The following SPEN variants were observed in gnomAD, a reference collection of about 807,000 sequenced individuals.
The protein encoded by SPEN is spen family transcriptional repressor, also known as msx2-interacting protein.
Under a neutral mutation model 269.9 loss-of-function variants are expected in SPEN, and 18 were observed. The ratio of observed to expected loss-of-function variants is 0.07; its 90% confidence interval spans 0.05 to 0.10. The LOEUF (loss-of-function observed/expected upper bound fraction) is 0.10, where lower values mean the gene tolerates loss of function less well. Ranked by LOEUF, SPEN falls within the 10% of genes least tolerant of loss-of-function variation. SPEN has a pLI of 1.00. For synonymous variants in SPEN, 1,726 were observed against 1,765.7 expected (o/e 0.98, Z 0.56); for missense variants, 3,822 against 4,631.2 (o/e 0.83, Z 5.07).
chr1:15,935,929 G>A lies in SPEN; in HGVS notation c.9689G>A (p.Gly3230Glu), dbSNP rs1328918034. The A allele has an allele frequency of 3.1e-6, 5 of 1,611,800 alleles. No individual in the cohort carries two copies. Among genetic ancestry groups the A allele is most frequent in the Non-Finnish European group, 4.2e-6 (5 of 1,179,756 alleles). ...PPASKAPQQP[G>E]KEAAKTPDAK... is the part of the protein sequence containing the mutation. ...GCCAGCAAGGCCCCTCAGCAGCCAGGGAAGGAAGCTGCCAAGACACCAGAT... is the reference window on the plus strand; with the variant it reads ...GCCAGCAAGGCCCCTCAGCAGCCAGAGAAGGAAGCTGCCAAGACACCAGAT... The change falls in exon 11 of 15, where the codon GGG (glycine) becomes GAG (glutamate). Residue 3230 changes from glycine (G) to glutamate (E), a missense_variant. By Grantham distance (98) the Gly-to-Glu change is moderately conservative. This residue lies in a region of SPEN where 359 missense variants were observed against 377.3 expected (regional missense o/e 0.95). Coordinates refer to ENST00000375759, the MANE Select transcript of SPEN (RefSeq NM_015001.3). The surrounding 1 kb of genome is among the most constrained non-coding windows in gnomAD (Gnocchi z 7.7).
chr1:15,908,302 G>A (rs1047289365), intron 3 of SPEN, among the ~76,000 whole-genome samples: 5 of 152,146 alleles, frequency 3.3e-5, no homozygotes, highest in Non-Finnish European at 5.9e-5. Flanking sequence ...GGCTTCGAGC[G>A]ATCCTGCCAC....
intron 5 of SPEN, among the ~76,000 whole-genome samples, chr1:15,914,834 AAAGAAG>A (rs376970326): frequency 2.0e-5 from 3 of 152,120 alleles, no homozygotes; most frequent in African/African-American, 7.2e-5. Context: ...CAAAGAAAAA[AAAGAAG>A]AAGAAGAAGC....
At chr1:15,890,455 C>G (rs2070777589) in intron 3 of SPEN, among the ~76,000 whole-genome samples, 1 of 151,666 alleles carries the variant, frequency 6.6e-6, no homozygotes, top group African/African-American at 2.4e-5. Flanking sequence ...TGGTCTCGAA[C>G]TCTTGACCTT....
chr1:15,849,710 T>C (rs1346031057), intron 1 of SPEN, among the ~76,000 whole-genome samples: 2 of 152,124 alleles, frequency 1.3e-5, no homozygotes, highest in African/African-American at 4.8e-5. Context: ...GGGAACTTTC[T>C]CTTCCTGGCG....
Position 15,851,301 on chromosome 1 carries a change from A to G in SPEN, c.83+3151A>G, listed in dbSNP as rs1282004621. On this transcript the variant is annotated intron_variant, in intron 1 of 14. Coordinates refer to ENST00000375759, the MANE Select transcript of SPEN (RefSeq NM_015001.3). ...GCTTTTCTTTTCTTGCAATAATAAT[A>G]AATCTGTTGTTATTTTTACAGTTTT... Among the ~76,000 whole-genome samples the G allele has an allele frequency of 2.0e-5, 3 of 152,218 alleles. No individual in the cohort carries two copies. The East Asian group carries it at 5.8e-4, about 29-fold the overall frequency.
In SPEN at chr1:15,857,477, C is replaced by T. The variant is rs371874580; in HGVS notation, c.83+9327C>T. 2.0e-5 allele frequency among the ~76,000 whole-genome samples: 3 copies of T among 152,146 alleles called. No individual in the cohort carries two copies. In the East Asian group the frequency reaches 5.8e-4, roughly 29 times the overall value. ...GTTCAAGCTATTCTTGTGCTTCAGC[C>T]TCCTGAGTAGCTGGGATTACAGGCG... On this transcript the variant is annotated intron_variant, in intron 1 of 14. Transcript: ENST00000375759.
At chr1:15,894,024 A>G (rs149032056) in intron 3 of SPEN, among the ~76,000 whole-genome samples, 544 of 152,310 alleles carry the variant, frequency 3.6e-3, no homozygotes, top group South Asian at 7.9e-3. Flanking sequence ...GCGACAGAAA[A>G]GGCAAAAACC....
chr1:15,890,520 G>A (rs1336531692), intron 3 of SPEN, among the ~76,000 whole-genome samples: 1 of 148,932 alleles, frequency 6.7e-6, no homozygotes, highest in East Asian at 2.0e-4. Flanking sequence ...ATGAGCCACC[G>A]TGCCCGGCCT....
chr1:15,913,940 G>T (rs746037613), intron 5 of SPEN, among the ~76,000 whole-genome samples: 4 of 152,140 alleles, frequency 2.6e-5, no homozygotes, highest in Non-Finnish European at 5.9e-5. Flanking sequence ...TTTAATAGTT[G>T]CAAATCATGC....
chr1:15,902,003 G>A (rs1024474836), intron 3 of SPEN, among the ~76,000 whole-genome samples: 2 of 141,488 alleles, frequency 1.4e-5, no homozygotes, highest in East Asian at 2.1e-4. Flanking sequence ...ATTTCGGCTC[G>A]CTGCAACCTC....
chr1:15,889,079 A>T (rs1020426669), intron 3 of SPEN, among the ~76,000 whole-genome samples: 8 of 152,128 alleles, frequency 5.3e-5, no homozygotes, highest in Non-Finnish European at 1.2e-4. Flanking sequence ...CCAAACAAGG[A>T]ATCATGCGTG....
chr1:15,852,491 TAAA>T (rs905739548), intron 1 of SPEN, among the ~76,000 whole-genome samples: 17 of 152,138 alleles, frequency 1.1e-4, no homozygotes, highest in Non-Finnish European at 2.4e-4. Flanking sequence ...TACAAAATAA[TAAA>T]AAATAATAAA....
chr1:15,853,130 G>A (rs2070352835), intron 1 of SPEN, among the ~76,000 whole-genome samples: 1 of 152,096 alleles, frequency 6.6e-6, no homozygotes. Context: ...GGGATTATAG[G>A]CATGAGCCAG....
intron 3 of SPEN, among the ~76,000 whole-genome samples, chr1:15,891,227 C>T (rs371957722): frequency 3.2e-4 from 48 of 152,204 alleles, no homozygotes; most frequent in African/African-American, 1.1e-3. Context: ...CTTGCTCTGT[C>T]ACCCTGGCTG....
At position 15,929,880 on chromosome 1, in the gene SPEN, C is replaced by A; in HGVS notation, c.3640C>A (p.Pro1214Thr). The change falls in exon 11 of 15, where the codon CCC (proline) becomes ACC (threonine). Residue 1214 changes from proline (P) to threonine (T), a missense_variant. Pro to Thr is a conservative substitution (Grantham distance 38). Coordinates refer to ENST00000375759, the MANE Select transcript of SPEN (RefSeq NM_015001.3). This position sits in a 1 kb window ranked among gnomAD's most constrained non-coding sequence, Gnocchi z 5.8. Reference sequence around the variant, plus strand: ...TAGCCTCGTTCACGAGGTAGGCAAACCCCCTCAAGATGTCACTGATGACTC... The same window carrying A: ...TAGCCTCGTTCACGAGGTAGGCAAAACCCCTCAAGATGTCACTGATGACTC... ...RRSLVHEVGK[P>T]PQDVTDDSPP... The A allele has an allele frequency of 6.2e-7, 1 of 1,614,156 alleles. No individual in the cohort carries two copies. Among genetic ancestry groups the A allele is most frequent in the Non-Finnish European group, 8.5e-7 (1 of 1,180,034 alleles).
chr1:15,880,438 T>G (rs1282108821), intron 3 of SPEN, among the ~76,000 whole-genome samples: 1 of 151,796 alleles, frequency 6.6e-6, no homozygotes, highest in Non-Finnish European at 1.5e-5. Context: ...TGTGACAAAT[T>G]TTATGTAATT....
intron 10 of SPEN, 121 bp from the exon 11 acceptor site, chr1:15,927,970 C>G: frequency 1.1e-6 from 1 of 935,106 alleles, no homozygotes; most frequent in Non-Finnish European, 1.6e-6. Flanking sequence ...AATCATTTCA[C>G]AAATGATTAA....
chr1:15,937,372 A>T lies in SPEN; in HGVS notation c.10236A>T (p.Pro3412=). 1 of 1,613,912 alleles carries T rather than the reference A, an allele frequency of 6.2e-7. No individual in the cohort carries two copies. The highest frequency in any genetic ancestry group is 2.2e-5 in the East Asian group (1 of 44,870). ...TCCCAGCTGGACCTGCAAACAGGCC[A>T]CCTGAGCCTCACACCCAGGTTCAGA... The part of the protein sequence containing the change: ...PRLPAGPANR[P]PEPHTQVQRA... The change falls in exon 12 of 15, where the codon CCA becomes CCT. Residue 3412 remains proline, a synonymous_variant. Transcript: ENST00000375759. The surrounding 1 kb of genome is among the most constrained non-coding windows in gnomAD (Gnocchi z 5.7).
intron 3 of SPEN, among the ~76,000 whole-genome samples, chr1:15,893,094 G>A (rs1472021213): frequency 6.6e-6 from 1 of 152,174 alleles, no homozygotes; most frequent in South Asian, 2.1e-4. Flanking sequence ...GTGAAACTCT[G>A]TCTCAAACAA....
Sources: gnomAD v4.1 joint callset for allele counts (sites outside exome capture counted in the v4.1 genomes callset) on GRCh38, gnomAD v4.1.1 for gene constraint, gnomAD v4.1.1 regional missense constraint, Gnocchi (gnomAD v3.1) non-coding constraint, MANE v1.5 for transcripts, NCBI Gene and HGNC (gene_info 2026-07-23, HGNC 2026-07-21) for gene names.